HAT1: variants seen among roughly 807,000 people sequenced by gnomAD.
HAT1 encodes the protein histone acetyltransferase 1, also known as histone acetyltransferase type B catalytic subunit.
Under a neutral mutation model 56.6 loss-of-function variants are expected in HAT1, and 20 were observed. The ratio of observed to expected loss-of-function variants is 0.35; its 90% CI spans 0.25 to 0.51. HAT1 has a LOEUF of 0.51. Among genes scored for constraint, HAT1 ranks in the 20% least tolerant of loss-of-function variants. The pLI is 0.95. For missense variants in HAT1, 408 were observed against 504.3 expected, an observed-to-expected ratio of 0.81 and a Z score of 1.83; for synonymous variants, 146 against 165.5, an observed-to-expected ratio of 0.88 and a Z score of 0.91.
chr2:171,978,719 C>T (rs1448741295), intron 9 of HAT1, among the ~76,000 whole-genome samples: 1 of 152,090 alleles, frequency 6.6e-6, no homozygotes, highest in Non-Finnish European at 1.5e-5. Flanking sequence ...TTTTTGCTAC[C>T]ATTTCTTTGT....
chr2:171,937,390 A>C (rs1464229311), intron 2 of HAT1, among the ~76,000 whole-genome samples: 1 of 152,208 alleles, frequency 6.6e-6, no homozygotes, highest in Non-Finnish European at 1.5e-5. Context: ...AGGTGGTGCC[A>C]CTGACAGGGA....
intron 2 of HAT1, among the ~76,000 whole-genome samples, chr2:171,932,376 C>T (rs1161266727): frequency 6.6e-6 from 1 of 152,088 alleles, no homozygotes; most frequent in Admixed American, 6.6e-5. Context: ...GTAGCATTCA[C>T]CAGTGAAGTT....
At chr2:171,922,551 A>G in intron 1 of HAT1, 44 bp downstream of exon 1, 1 of 1,310,040 alleles carries the variant, frequency 7.6e-7, no homozygotes, top group Non-Finnish European at 9.8e-7. Context: ...AGGCGGCCAG[A>G]TCGGGGATAG....
chr2:171,939,922 C>T (rs1317010433), intron 2 of HAT1, among the ~76,000 whole-genome samples: 1 of 152,008 alleles, frequency 6.6e-6, no homozygotes, highest in Non-Finnish European at 1.5e-5. Context: ...CAGGCACATG[C>T]CACCACACCC....
At chr2:171,927,464 T>G (rs1014713865) in intron 2 of HAT1, among the ~76,000 whole-genome samples, 1 of 152,192 alleles carries the variant, frequency 6.6e-6, no homozygotes, top group African/African-American at 2.4e-5. Context: ...TGTCCCCTCA[T>G]TTTTCAATTA....
At chr2:171,974,173 C>CAAAAAAAAAAAAAAAAAAAAAAAAAAA (rs1183466393) in intron 8 of HAT1, among the ~76,000 whole-genome samples, 1 of 45,572 alleles carries the variant, frequency 2.2e-5, no homozygotes, top group Non-Finnish European at 3.5e-5. Flanking sequence ...GACCCTGTCT[C>CAAAAAAAAAAAAAAAAAAAAAAAAAAA]AAAAAAAAAA....
intron 3 of HAT1, 32 bp from the exon 4 acceptor site, chr2:171,952,849 T>G: frequency 6.6e-7 from 1 of 1,515,742 alleles, no homozygotes. Context: ...CTGCAAAAAT[T>G]CATTCCATTA....
intron 8 of HAT1, among the ~76,000 whole-genome samples, chr2:171,968,386 CT>C (rs1178216747): frequency 1.3e-5 from 2 of 152,128 alleles, no homozygotes; most frequent in Non-Finnish European, 2.9e-5. Flanking sequence ...CATAAGTAGT[CT>C]TTGTCTACTC....
chr2:171,935,515 CAAAAAAAAA>C (rs56220004), intron 2 of HAT1, among the ~76,000 whole-genome samples: 3 of 55,652 alleles, frequency 5.4e-5, no homozygotes, highest in Admixed American at 4.7e-4. Context: ...AACTCCATCT[CAAAAAAAAA>C]AAAAAAAAAA....
chr2:171,950,763 C>A (rs1344838174), intron 3 of HAT1, among the ~76,000 whole-genome samples: 1 of 152,102 alleles, frequency 6.6e-6, no homozygotes, highest in Non-Finnish European at 1.5e-5. Context: ...CTCAGCCTCC[C>A]AAAGTGCTGG....
chr2:171,946,615 T>G, intron 2 of HAT1, 93 bp from the exon 3 acceptor site: 1 of 751,526 alleles, frequency 1.3e-6, no homozygotes. Context: ...GGCTGTATCC[T>G]AGTTATACTG....
At chr2:171,928,027 C>T (rs1013901690) in intron 2 of HAT1, among the ~76,000 whole-genome samples, 27 of 152,172 alleles carry the variant, frequency 1.8e-4, no homozygotes, top group African/African-American at 5.8e-4. Flanking sequence ...GCTGGGATTA[C>T]AGGCACCCGT....
chr2:171,931,760 C>T (rs925045087), intron 2 of HAT1, among the ~76,000 whole-genome samples: 2 of 152,114 alleles, frequency 1.3e-5, no homozygotes, highest in Non-Finnish European at 2.9e-5. Flanking sequence ...CATGTTGATC[C>T]GTAATTGGTT....
intron 9 of HAT1, among the ~76,000 whole-genome samples, chr2:171,978,059 CT>C (rs35822665): frequency 2.8e-3 from 379 of 136,964 alleles, no homozygotes; most frequent in Middle Eastern, 3.9e-3. Flanking sequence ...TTTCCTTTTC[CT>C]TTTTTTTTTT....
chr2:171,945,866 C>A (rs1404602550), intron 2 of HAT1, among the ~76,000 whole-genome samples: 1 of 152,110 alleles, frequency 6.6e-6, no homozygotes, highest in East Asian at 1.9e-4. Context: ...GATGGGGTTT[C>A]ACCATGTTGG....
chr2:171,928,654 G>A (rs991565704), intron 2 of HAT1, among the ~76,000 whole-genome samples: 2 of 152,034 alleles, frequency 1.3e-5, no homozygotes, highest in East Asian at 1.9e-4. Context: ...GATTACAGGC[G>A]CCTGCCACCA....
chr2:171,941,912 T>C (rs1031437056), intron 2 of HAT1, among the ~76,000 whole-genome samples: 28 of 152,152 alleles, frequency 1.8e-4, no homozygotes, highest in African/African-American at 5.8e-4. Context: ...TTTTTTTTGT[T>C]TTTGTTTTTT....
chr2:171,933,982 C>T lies in HAT1; in HGVS notation c.112+8341C>T, dbSNP rs150357932. On this transcript the variant is annotated intron_variant, in intron 2 of 10. Coordinates refer to ENST00000264108, the MANE Select transcript of HAT1 (RefSeq NM_003642.4). ...ACAATTGAGAGAACTGTCAAAATCT[C>T]CAGCTGGAATTGTGGATTGTCTATG... 7.0e-4 allele frequency among the ~76,000 whole-genome samples: 106 copies of T among 152,226 alleles called. No homozygotes were observed. The East Asian group carries it at 0.017, about 24-fold the overall frequency.
intron 2 of HAT1, among the ~76,000 whole-genome samples, chr2:171,945,944 A>G (rs1687152598): frequency 6.6e-6 from 1 of 152,196 alleles, no homozygotes; most frequent in Admixed American, 6.6e-5. Flanking sequence ...TGTTGGGATT[A>G]CAGGCATGAG....
Sources: gnomAD v4.1 joint callset for allele counts (sites outside exome capture counted in the v4.1 genomes callset) on GRCh38, gnomAD v4.1.1 for gene constraint, MANE v1.5 for transcripts, NCBI Gene and HGNC (gene_info 2026-07-23, HGNC 2026-07-21) for gene names.